GPC6: variants seen among roughly 807,000 people sequenced by gnomAD.
GPC6 encodes glypican-6.
GPC6 carries 14 observed loss-of-function variants against 55.2 expected under a neutral mutation model. The ratio of observed to expected loss-of-function variants is 0.25; its 90% CI spans 0.17 to 0.40. GPC6 has a LOEUF of 0.40. Ranked by LOEUF, GPC6 falls within the 10% of genes least tolerant of loss-of-function variation. The probability of loss-of-function intolerance (pLI) is 1.00; values close to 1 mark genes in which losing one functional copy is unlikely to be tolerated. For missense variants in GPC6, 641 were observed against 708.5 expected, an observed-to-expected ratio of 0.90 and a Z score of 1.08; for synonymous variants, 278 against 259.6, an observed-to-expected ratio of 1.07 and a Z score of -0.68.
intron 1 of GPC6, among the ~76,000 whole-genome samples, chr13:93,437,236 T>C (rs370753536): frequency 6.6e-6 from 1 of 152,150 alleles, no homozygotes; most frequent in East Asian, 1.9e-4. Context: ...AATGTTAAAA[T>C]TAGGCCAGTT....
intron 1 of GPC6, among the ~76,000 whole-genome samples, chr13:93,442,750 A>G (rs4537877): frequency 0.012 from 1,871 of 152,254 alleles, 36 homozygotes; most frequent in African/African-American, 0.043. Flanking sequence ...ATTTAACAAA[A>G]TTTGAGCTTT....
chr13:93,967,332 G>T (rs1448914836), intron 3 of GPC6, among the ~76,000 whole-genome samples: 4 of 152,134 alleles, frequency 2.6e-5, no homozygotes, highest in East Asian at 3.9e-4. Context: ...TAAAGTATTT[G>T]CCACGATGTA....
At chr13:93,285,502 A>G (rs1252354909) in intron 1 of GPC6, among the ~76,000 whole-genome samples, 3 of 152,122 alleles carry the variant, frequency 2.0e-5, no homozygotes, top group Non-Finnish European at 4.4e-5. Context: ...GGTTTTGTTT[A>G]TATACAGTAT....
intron 6 of GPC6, among the ~76,000 whole-genome samples, chr13:94,314,780 A>G (rs1474978473): frequency 2.0e-5 from 3 of 152,256 alleles, no homozygotes; most frequent in South Asian, 2.1e-4. Context: ...AGGATATTTC[A>G]TAAATACCAG....
chr13:93,696,565 CAA>C, intron 2 of GPC6, among the ~76,000 whole-genome samples: 1 of 146,574 alleles, frequency 6.8e-6, no homozygotes, highest in South Asian at 2.2e-4. Flanking sequence ...AAAACAAAAA[CAA>C]AAAACAAACA....
At chr13:93,822,847 A>AT (rs1458827720) in intron 2 of GPC6, among the ~76,000 whole-genome samples, 13 of 145,850 alleles carry the variant, frequency 8.9e-5, no homozygotes, top group African/African-American at 3.4e-4. Flanking sequence ...TATTATTATT[A>AT]TTATTATTTT....
intron 3 of GPC6, among the ~76,000 whole-genome samples, chr13:93,855,564 A>G (rs1177609063): frequency 6.6e-6 from 1 of 151,586 alleles, no homozygotes; most frequent in Non-Finnish European, 1.5e-5. Context: ...AATGCAGGAT[A>G]GTATTTATAG....
intron 1 of GPC6, among the ~76,000 whole-genome samples, chr13:93,386,013 A>C (rs1442028504): frequency 6.7e-6 from 1 of 150,162 alleles, no homozygotes; most frequent in Non-Finnish European, 1.5e-5. Flanking sequence ...TGAAAGATCC[A>C]TTACTGCTGT....
Position 93,545,319 on chromosome 13 carries a change from G to A in GPC6, c.217G>A (p.Asp73Asn), listed in dbSNP as rs767992011. 2 of 1,613,578 alleles carry A rather than the reference G, an allele frequency of 1.2e-6. No individual in the cohort carries two copies. Among genetic ancestry groups the A allele is most frequent in the Non-Finnish European group, 8.5e-7 (1 of 1,179,550 alleles). ...TACATGCTGCACCACAGAAATGGAA[G>A]ACAAGTTAAGCCAACAAAGCAAACT... ...EYTCCTTEME[D>N]KLSQQSKLEF... Residue 73 changes from aspartate (D) to asparagine (N), a missense_variant, in exon 2 of 9, where the codon GAC (aspartate) becomes AAC (asparagine). By Grantham distance (23) the Asp-to-Asn change is conservative (BLOSUM62 1). Transcript: ENST00000377047.
At position 93,784,468 on chromosome 13, in the gene GPC6, C is replaced by T. The variant is rs948753312; in HGVS notation, c.320-45686C>T. Among the ~76,000 whole-genome samples, 7 of 152,232 alleles carry T rather than the reference C, an allele frequency of 4.6e-5. No individual in the cohort carries two copies. The East Asian group carries it at 9.7e-4, about 21-fold the overall frequency. ...CAGCTGAGTAGGTATTTTCCAAACC[C>T]CTTCCTCAAAAACATGGATTTTACA... On this transcript the variant is annotated intron_variant, in intron 2 of 8. Transcript: ENST00000377047.
chr13:94,380,277 A>G (rs1338202046), intron 6 of GPC6, among the ~76,000 whole-genome samples: 1 of 152,228 alleles, frequency 6.6e-6, no homozygotes, highest in Non-Finnish European at 1.5e-5. Context: ...CCAGATATAA[A>G]TATAAAACAT....
At chr13:93,522,774 T>A (rs760117724) in intron 1 of GPC6, among the ~76,000 whole-genome samples, 1 of 151,928 alleles carries the variant, frequency 6.6e-6, no homozygotes, top group Non-Finnish European at 1.5e-5. Context: ...TTTTTGGCTA[T>A]CAAATTCAAA....
At chr13:93,840,386 T>G (rs2138996464) in intron 3 of GPC6, among the ~76,000 whole-genome samples, 1 of 152,226 alleles carries the variant, frequency 6.6e-6, no homozygotes, top group Admixed American at 6.5e-5. Flanking sequence ...CCTGTTAGCT[T>G]AAATCAGGAA....
chr13:94,301,290 G>C (rs775617015), intron 5 of GPC6, among the ~76,000 whole-genome samples: 1 of 152,122 alleles, frequency 6.6e-6, no homozygotes, highest in Non-Finnish European at 1.5e-5. Context: ...CCAGCTACTC[G>C]GGAGGCTGAG....
At chr13:93,688,673 A>G (rs1302306892) in intron 2 of GPC6, among the ~76,000 whole-genome samples, 2 of 152,092 alleles carry the variant, frequency 1.3e-5, no homozygotes, top group Non-Finnish European at 2.9e-5. Context: ...AGGCATAAAG[A>G]GACAACAATT....
intron 3 of GPC6, among the ~76,000 whole-genome samples, chr13:93,923,548 C>T (rs748298922): frequency 5.3e-5 from 8 of 152,038 alleles, no homozygotes; most frequent in Non-Finnish European, 1.0e-4. Flanking sequence ...AATCAATAGC[C>T]ACTTTCCCCA....
At chr13:94,217,746 G>C (rs1890265704) in intron 4 of GPC6, among the ~76,000 whole-genome samples, 1 of 152,188 alleles carries the variant, frequency 6.6e-6, no homozygotes, top group African/African-American at 2.4e-5. Flanking sequence ...AGGATCAGTG[G>C]TTAAGAGCAC....
intron 4 of GPC6, among the ~76,000 whole-genome samples, chr13:94,180,072 C>G (rs1888933455): frequency 6.7e-6 from 1 of 149,428 alleles, no homozygotes; most frequent in Non-Finnish European, 1.5e-5. Context: ...TGTGGACATA[C>G]CTACAGGATG....
At chr13:93,950,689 A>C (rs143529460) in intron 3 of GPC6, among the ~76,000 whole-genome samples, 28 of 152,310 alleles carry the variant, frequency 1.8e-4, no homozygotes, top group African/African-American at 5.3e-4. Flanking sequence ...GCAGACATCT[A>C]TATTTTCATG....
Sources: allele counts gnomAD v4.1 joint callset (sites outside exome capture counted in the v4.1 genomes callset), GRCh38; gene constraint gnomAD v4.1.1; transcripts MANE v1.5; gene names NCBI Gene and HGNC (gene_info 2026-07-23, HGNC 2026-07-21).